ARHGEF4: variants seen among roughly 807,000 people sequenced by gnomAD.
ARHGEF4 encodes the protein Rho guanine nucleotide exchange factor 4.
ARHGEF4 carries 119 observed loss-of-function variants against 162.0 expected under a neutral mutation model. The ratio of observed to expected loss-of-function variants is 0.73; its 90% confidence interval spans 0.63 to 0.86. The LOEUF is 0.86. Among genes scored for constraint, ARHGEF4 ranks in the 40% least tolerant of loss-of-function variants. The probability of loss-of-function intolerance (pLI) is 0.00; values close to 1 mark genes in which losing one functional copy is unlikely to be tolerated. For missense variants in ARHGEF4, 2,488 were observed against 2,456.0 expected (o/e 1.01, Z -0.28); for synonymous variants, 1,014 against 979.9 (o/e 1.03, Z -0.65).
At chr2:130,963,535 A>G (rs1684762974) in intron 4 of ARHGEF4, 1 of 151,632 alleles carries the variant, frequency 6.6e-6, no homozygotes, top group Non-Finnish European at 1.5e-5. Flanking sequence ...TCGCCTCCTA[A>G]GGATGGCCCT....
rs1681464500 is a variant in ARHGEF4, at chr2:130,916,024, C to G, written c.2078C>G (p.Ala693Gly). 6.4e-7 allele frequency: 1 copy of G among 1,550,422 alleles called. No individual in the cohort carries two copies. The highest frequency in any genetic ancestry group is 8.7e-7 in the Non-Finnish European group (1 of 1,146,936). Residue 693 changes from alanine to glycine, a missense_variant, in exon 2 of 14, where the codon GCA becomes GGA. By Grantham distance (60) the Ala-to-Gly change is moderately conservative (BLOSUM62 0). Coordinates refer to ENST00000409359, the MANE Select transcript of ARHGEF4 (RefSeq NM_001367493.1). ...GCCGGTAATGAGTGTGAGTTGCCAG[C>G]AGCCCCCATACAGGGAGCTGGCGAT... is the stretch of plus-strand genomic sequence containing the variant. ...TPAGNECELP[A>G]APIQGAGDGA...
At chr2:130,855,458 G>A (rs1681713770) in intron 1 of ARHGEF4, among the ~76,000 whole-genome samples, 1 of 152,210 alleles carries the variant, frequency 6.6e-6, no homozygotes, top group Admixed American at 6.5e-5. Context: ...GTCCAGGAGA[G>A]ACCAGCTGCA....
chr2:130,977,266 A>G (rs751913326), intron 4 of ARHGEF4, among the ~76,000 whole-genome samples: 1 of 149,978 alleles, frequency 6.7e-6, no homozygotes, highest in Admixed American at 6.6e-5. Flanking sequence ...AGTGTGTGGT[A>G]TGTGCTAGTG....
intron 4 of ARHGEF4, among the ~76,000 whole-genome samples, chr2:130,954,389 A>C (rs529826479): frequency 6.6e-6 from 1 of 152,278 alleles, no homozygotes; most frequent in South Asian, 2.1e-4. Context: ...AACATCACAC[A>C]GGGAGGCTTG....
In ARHGEF4 at chr2:131,038,837, G is replaced by A. The variant is rs372438673; in HGVS notation, c.4126-16G>A. The A allele has an allele frequency of 1.3e-5, 20 of 1,592,448 alleles. No individual in the cohort carries two copies. The highest frequency in any genetic ancestry group is 6.8e-5 in the East Asian group (3 of 44,364). ...GCCTCCCCCACTGACCCGCCTGCCCGTGGCTCTCTCGGCAGCTCATCAGCG... is the reference window on the plus strand; with the variant it reads ...GCCTCCCCCACTGACCCGCCTGCCCATGGCTCTCTCGGCAGCTCATCAGCG... On this transcript the variant is annotated splice_polypyrimidine_tract_variant and intron_variant, in intron 5 of 13. Coordinates refer to ENST00000409359, the MANE Select transcript of ARHGEF4 (RefSeq NM_001367493.1).
chr2:130,906,446 G>A (rs1028431220), intron 1 of ARHGEF4, among the ~76,000 whole-genome samples: 9 of 152,292 alleles, frequency 5.9e-5, no homozygotes, highest in Admixed American at 2.0e-4. Context: ...AAAAATGTAC[G>A]TACTTTTAAG....
chr2:131,013,724 C>T (rs1336346720), intron 4 of ARHGEF4, among the ~76,000 whole-genome samples: 3 of 152,230 alleles, frequency 2.0e-5, no homozygotes, highest in African/African-American at 7.2e-5. Context: ...CCTCAGCCTT[C>T]CAAGCAGCTG....
chr2:131,045,442 C>T lies in ARHGEF4; in HGVS notation c.5475C>T (p.Pro1825=), dbSNP rs745442989. 3 of 1,613,608 alleles carry T rather than the reference C, an allele frequency of 1.9e-6. No homozygotes were observed. The highest frequency in any genetic ancestry group is 2.5e-6 in the Non-Finnish European group (3 of 1,180,012). The part of the protein sequence containing the change: ...NASKQQVTGK[P]KAVGRPCYLT... ...GCAAGCAGCAGGTCACAGGGAAGCC[C>T]AAAGGTAGGCGGACAGCAGCCCCAC... is the stretch of plus-strand genomic sequence containing the variant. The change falls in exon 13 of 14, where the codon CCC becomes CCT. Residue 1825 remains proline, a synonymous_variant. Coordinates refer to ENST00000409359, the MANE Select transcript of ARHGEF4 (RefSeq NM_001367493.1).
At position 131,038,943 on chromosome 2, in the gene ARHGEF4, G is replaced by A. The variant is rs746676393; in HGVS notation, c.4216G>A (p.Val1406Ile). The A allele has an allele frequency of 1.1e-5, 18 of 1,613,638 alleles. No individual in the cohort carries two copies. Among genetic ancestry groups the A allele is most frequent in the East Asian group, 2.2e-5 (1 of 44,890 alleles). The change falls in exon 6 of 14, where the codon GTC becomes ATC. Residue 1406 changes from valine to isoleucine, a missense_variant. Physicochemically the swap from Val to Ile is conservative, Grantham distance 29. Coordinates refer to ENST00000409359, the MANE Select transcript of ARHGEF4 (RefSeq NM_001367493.1). ...GGAGCTGGGCTTCAAAGCTGGGGAC[G>A]TCATCGAAGTGATGGATGCCACCAA... ...DQELGFKAGD[V>I]IEVMDATNRE... is the part of the protein sequence containing the mutation.
At chr2:130,854,855 T>TTTATTTAC (rs1202259534) in intron 1 of ARHGEF4, among the ~76,000 whole-genome samples, 1 of 93,614 alleles carries the variant, frequency 1.1e-5, no homozygotes, top group Non-Finnish European at 2.0e-5. Context: ...CTTTTATTTA[T>TTTATTTAC]TTATTTATTT....
intron 5 of ARHGEF4, chr2:131,035,159 G>A (rs997586148): frequency 1.6e-6 from 2 of 1,215,358 alleles, no homozygotes; most frequent in East Asian, 3.3e-5. Flanking sequence ...GCCCTGCTGC[G>A]CTGCAACCTG....
chr2:130,932,193 C>T (rs1001056920), intron 3 of ARHGEF4, among the ~76,000 whole-genome samples: 4 of 152,170 alleles, frequency 2.6e-5, no homozygotes, highest in Non-Finnish European at 2.9e-5. Flanking sequence ...CACTTAGCGT[C>T]GTGTTTTATC....
intron 3 of ARHGEF4, among the ~76,000 whole-genome samples, chr2:130,935,121 T>G (rs1448745631): frequency 6.6e-6 from 1 of 152,238 alleles, no homozygotes; most frequent in South Asian, 2.1e-4. Flanking sequence ...TTCTCTATTA[T>G]TTTTCTTATT....
At position 130,916,789 on chromosome 2, in the gene ARHGEF4, G is replaced by A. The variant is rs1296923420; in HGVS notation, c.2843G>A (p.Arg948His). The A allele has an allele frequency of 6.4e-7, 1 of 1,550,476 alleles. No individual in the cohort carries two copies. The highest frequency in any genetic ancestry group is 1.4e-5 in the African/African-American group (1 of 73,134). Reference sequence around the variant, plus strand: ...GGCGAGAAGGAGAAGAGCAGGCTGCGCCAGGGTTCCTGGCGGGCGTTTCTG... The same window carrying A: ...GGCGAGAAGGAGAAGAGCAGGCTGCACCAGGGTTCCTGGCGGGCGTTTCTG... ...PKGEKEKSRL[R>H]QGSWRAFLKS... Residue 948 changes from arginine to histidine, a missense_variant, in exon 2 of 14, where the codon CGC becomes CAC. By Grantham distance (29) the Arg-to-His change is conservative. Coordinates refer to ENST00000409359, the MANE Select transcript of ARHGEF4 (RefSeq NM_001367493.1).
In ARHGEF4 at chr2:130,914,361, G is replaced by A. The variant is rs781359847; in HGVS notation, c.415G>A (p.Asp139Asn). The A allele has an allele frequency of 1.4e-5, 21 of 1,451,766 alleles. No homozygotes were observed. Among genetic ancestry groups the A allele is most frequent in the Non-Finnish European group, 1.9e-5 (21 of 1,107,854 alleles). 89.9% of individuals were successfully genotyped at this position (1,451,766 alleles called of 1,614,324 possible). The change falls in exon 2 of 14, where the codon GAT becomes AAT. Residue 139 changes from aspartate (D) to asparagine (N), a missense_variant. This residue lies in a region of ARHGEF4 where 171 missense variants were observed against 169.4 expected (regional missense o/e 1.01). Coordinates refer to ENST00000409359, the MANE Select transcript of ARHGEF4 (RefSeq NM_001367493.1). ...EELDLSPSLE[D>N]DSCKNGWRAF... ...ACTCGATTTGTCCCCTAGCTTAGAG[G>A]ATGACTCTTGCAAAAATGGGTGGCG...
At chr2:131,019,322 G>T (rs1688945379) in intron 4 of ARHGEF4, among the ~76,000 whole-genome samples, 1 of 152,058 alleles carries the variant, frequency 6.6e-6, no homozygotes, top group Admixed American at 6.5e-5. Flanking sequence ...TGAGGCATGA[G>T]AATCGCTTGA....
chr2:130,930,212 T>G (rs1682551167), intron 2 of ARHGEF4, among the ~76,000 whole-genome samples: 2 of 152,182 alleles, frequency 1.3e-5, no homozygotes, highest in South Asian at 4.1e-4. Context: ...TTCACCTTAG[T>G]TTTTAGCAAA....
intron 4 of ARHGEF4, 179 bp downstream of exon 4, chr2:130,946,814 A>T: frequency 1.2e-6 from 1 of 808,640 alleles, no homozygotes; most frequent in Non-Finnish European, 1.8e-6. Flanking sequence ...AAAGAAAGGG[A>T]ATTATTGGCT....
At chr2:130,964,579 G>C (rs1366863101) in intron 4 of ARHGEF4, among the ~76,000 whole-genome samples, 1 of 152,226 alleles carries the variant, frequency 6.6e-6, no homozygotes, top group African/African-American at 2.4e-5. Flanking sequence ...GATGCGCTGT[G>C]TTCCTTTCCC....
Sources: allele counts gnomAD v4.1 joint callset (sites outside exome capture counted in the v4.1 genomes callset), GRCh38; gene constraint gnomAD v4.1.1; regional missense constraint gnomAD v4.1.1; transcripts MANE v1.5; gene names NCBI Gene and HGNC (gene_info 2026-07-23, HGNC 2026-07-21).